TAFA1: variants seen among roughly 807,000 people sequenced by gnomAD.
The protein encoded by TAFA1 is TAFA chemokine like family member 1.
In TAFA1, 4 loss-of-function variants were observed where a neutral mutation model predicts 18.5. The observed-to-expected ratio is 0.22, with a 90% CI of 0.11 to 0.49. TAFA1 has a LOEUF of 0.49. TAFA1 is among the 20% of genes least tolerant of loss of function. The probability of loss-of-function intolerance (pLI) is 0.98; values close to 1 mark genes in which losing one functional copy is unlikely to be tolerated. For synonymous variants in TAFA1, 56 were observed against 55.2 expected (o/e 1.01, Z -0.06); for missense variants, 147 against 169.0 (o/e 0.87, Z 0.72).
intron 3 of TAFA1, among the ~76,000 whole-genome samples, chr3:68,528,011 A>G (rs1222010923): frequency 1.3e-5 from 2 of 152,222 alleles, no homozygotes; most frequent in Admixed American, 6.5e-5. Context: ...TCTTTGAAAT[A>G]TAATGTAGAT....
intron 2 of TAFA1, among the ~76,000 whole-genome samples, chr3:68,115,589 C>A (rs2065315414): frequency 6.6e-6 from 1 of 152,088 alleles, no homozygotes; most frequent in African/African-American, 2.4e-5. Context: ...GAGTAGCAAC[C>A]CACATTAGCT....
At chr3:68,205,341 C>T (rs968507838) in intron 2 of TAFA1, among the ~76,000 whole-genome samples, 2 of 151,852 alleles carry the variant, frequency 1.3e-5, no homozygotes, top group Admixed American at 6.6e-5. Flanking sequence ...CCAGTATACA[C>T]GGTGATATTC....
At chr3:68,245,075 AC>A (rs2067050484) in intron 2 of TAFA1, among the ~76,000 whole-genome samples, 1 of 152,282 alleles carries the variant, frequency 6.6e-6, no homozygotes, top group African/African-American at 2.4e-5. Flanking sequence ...TCTTTAGAAG[AC>A]CCTTAAAAAT....
chr3:68,484,558 T>C (rs1434156050), intron 3 of TAFA1, among the ~76,000 whole-genome samples: 2 of 152,154 alleles, frequency 1.3e-5, no homozygotes, highest in African/African-American at 4.8e-5. Context: ...TTGGTTCTAT[T>C]TTCTGAATGA....
chr3:68,443,666 A>G (rs958205494), intron 3 of TAFA1, among the ~76,000 whole-genome samples: 3 of 152,032 alleles, frequency 2.0e-5, no homozygotes, highest in African/African-American at 7.2e-5. Flanking sequence ...TCACTATCAC[A>G]AGAACAGTGC....
intron 2 of TAFA1, among the ~76,000 whole-genome samples, chr3:68,279,244 G>T (rs1388862458): frequency 1.3e-5 from 2 of 152,144 alleles, no homozygotes; most frequent in African/African-American, 4.8e-5. Flanking sequence ...TCAAGTCTGT[G>T]CAATGAGAAA....
intron 3 of TAFA1, among the ~76,000 whole-genome samples, chr3:68,534,695 C>T (rs965011209): frequency 6.6e-6 from 1 of 152,170 alleles, no homozygotes; most frequent in South Asian, 2.1e-4. Context: ...ATCTTTACAA[C>T]CTTGAATTAA....
intron 3 of TAFA1, among the ~76,000 whole-genome samples, chr3:68,528,532 G>A (rs945101475): frequency 6.6e-6 from 1 of 152,168 alleles, no homozygotes. Context: ...AACACACTGG[G>A]AGTCACTACA....
intron 2 of TAFA1, among the ~76,000 whole-genome samples, chr3:68,224,447 C>T (rs930440541): frequency 6.6e-6 from 1 of 152,116 alleles, no homozygotes; most frequent in Non-Finnish European, 1.5e-5. Context: ...CAACCTATTC[C>T]GAAGGGCTTC....
At chr3:68,152,195 T>C (rs2065814076) in intron 2 of TAFA1, among the ~76,000 whole-genome samples, 1 of 152,134 alleles carries the variant, frequency 6.6e-6, no homozygotes, top group African/African-American at 2.4e-5. Flanking sequence ...ACAGCACTGT[T>C]TCTGAAAGTG....
At chr3:68,270,449 G>A (rs566527083) in intron 2 of TAFA1, among the ~76,000 whole-genome samples, 2 of 152,212 alleles carry the variant, frequency 1.3e-5, no homozygotes, top group African/African-American at 4.8e-5. Context: ...GGTTTTATGT[G>A]GACCAAAAAC....
chr3:68,111,688 C>A (rs936352385), intron 2 of TAFA1, among the ~76,000 whole-genome samples: 3 of 150,878 alleles, frequency 2.0e-5, no homozygotes, highest in Non-Finnish European at 4.4e-5. Context: ...ATGTTTTAAT[C>A]TTTAGGATAA....
intron 3 of TAFA1, among the ~76,000 whole-genome samples, chr3:68,443,335 G>A (rs989784971): frequency 2.0e-5 from 3 of 151,916 alleles, no homozygotes; most frequent in Admixed American, 6.6e-5. Context: ...TTCCCAAAAA[G>A]AGACAGCCCT....
intron 3 of TAFA1, among the ~76,000 whole-genome samples, chr3:68,517,990 A>G (rs1221339224): frequency 1.3e-5 from 2 of 152,136 alleles, no homozygotes; most frequent in Admixed American, 6.6e-5. Context: ...TGCTGAACTA[A>G]TAGTTGCCAG....
intron 2 of TAFA1, among the ~76,000 whole-genome samples, chr3:68,220,307 C>G (rs1334145698): frequency 6.6e-6 from 1 of 152,052 alleles, no homozygotes; most frequent in Non-Finnish European, 1.5e-5. Context: ...AAAGTGAGCT[C>G]TCATGGAACT....
intron 2 of TAFA1, among the ~76,000 whole-genome samples, chr3:68,307,621 T>A (rs963197444): frequency 6.6e-6 from 1 of 152,196 alleles, no homozygotes; most frequent in Admixed American, 6.5e-5. Context: ...GGAAACAATA[T>A]TTATATTTTA....
intron 2 of TAFA1, among the ~76,000 whole-genome samples, chr3:68,188,859 T>TGTTC: frequency 6.6e-6 from 1 of 152,028 alleles, no homozygotes; most frequent in African/African-American, 2.4e-5. Context: ...GTTGTTTTTT[T>TGTTC]GTTCGTTTGT....
At chr3:68,356,039 G>C (rs2069356367) in intron 2 of TAFA1, among the ~76,000 whole-genome samples, 1 of 151,916 alleles carries the variant, frequency 6.6e-6, no homozygotes, top group Admixed American at 6.6e-5. Flanking sequence ...TACACTTGAA[G>C]TGCTGATAGC....
chr3:68,335,957 A>G (rs979987083), intron 2 of TAFA1, among the ~76,000 whole-genome samples: 1 of 152,146 alleles, frequency 6.6e-6, no homozygotes, highest in Non-Finnish European at 1.5e-5. Context: ...CATTTGTTCT[A>G]TACATCTCTT....
Sources: allele counts gnomAD v4.1 joint callset (sites outside exome capture counted in the v4.1 genomes callset), GRCh38; gene constraint gnomAD v4.1.1; transcripts MANE v1.5; gene names NCBI Gene and HGNC (gene_info 2026-07-23, HGNC 2026-07-21).